PKMYT1: variants seen among roughly 807,000 people sequenced by gnomAD.
The protein encoded by PKMYT1 is membrane-associated tyrosine- and threonine-specific cdc2-inhibitory kinase.
PKMYT1 carries 35 observed loss-of-function variants against 49.7 expected under a neutral mutation model. The ratio of observed to expected loss-of-function variants is 0.70; its 90% CI spans 0.54 to 0.93. The LOEUF is 0.93. PKMYT1 is among the 40% of genes least tolerant of loss of function. The pLI is 0.00. For missense variants in PKMYT1, 677 were observed against 673.1 expected, an observed-to-expected ratio of 1.01 and a Z score of -0.06; for synonymous variants, 331 against 287.6, an observed-to-expected ratio of 1.15 and a Z score of -1.53.
intron 3 of PKMYT1, chr16:2,976,122 T>A: frequency 2.7e-6 from 1 of 377,010 alleles, no homozygotes. Flanking sequence ...CAGGCTGTGG[T>A]GTGAAAAGTG....
Position 2,975,639 on chromosome 16 carries a change from G to T in PKMYT1, c.552C>A (p.Tyr184Ter). The T allele has an allele frequency of 1.2e-6, 2 of 1,611,560 alleles. No individual in the cohort carries two copies. The highest frequency in any genetic ancestry group is 8.5e-7 in the Non-Finnish European group (1 of 1,179,782). ...TGGGCCCGCACAGCTCCGTCTGCAGGTACAGGATGCCGCCCTCCTCCCAGG... is the reference window on the plus strand; with the variant it reads ...TGGGCCCGCACAGCTCCGTCTGCAGTTACAGGATGCCGCCCTCCTCCCAGG... ...EQAWEEGGILYLQTELCGPSL... is the reference protein window; with the variant it reads ...EQAWEEGGIL Residue 184 changes from tyrosine to a stop codon, truncating the protein, a stop_gained, in exon 4 of 9, where the codon TAC (tyrosine) becomes TAA (stop). Coordinates refer to ENST00000262300, the MANE Select transcript of PKMYT1 (RefSeq NM_004203.5). LOFTEE classifies it high-confidence loss of function.
chr16:2,975,928 T>A, intron 3 of PKMYT1, 116 bp from the exon 4 acceptor site: 2 of 1,104,040 alleles, frequency 1.8e-6, no homozygotes, highest in South Asian at 1.5e-5. Flanking sequence ...CACGGTGGTG[T>A]AGCTGGCATC....
chr16:2,977,003 G>A lies in PKMYT1; in HGVS notation c.39C>T (p.Pro13=), dbSNP rs754203712. 1 of 1,578,078 alleles carries A rather than the reference G, an allele frequency of 6.3e-7. No individual in the cohort carries two copies. Among genetic ancestry groups the A allele is most frequent in the South Asian group, 1.1e-5 (1 of 87,274 alleles). Residue 13 remains proline (P), a synonymous_variant, in exon 3 of 9, where the codon CCC becomes CCT. Transcript: ENST00000262300. ...ERPPALAMPM[P]TEGTPPPLSG... is the part of the protein sequence containing the mutation. ...TCAGAGGTGGCGGGGTGCCCTCCGT[G>A]GGCATGGGCATGGCCAGTGCAGGAG...
intron 2 of PKMYT1, chr16:2,979,445 C>G (rs113092347): frequency 5.3e-5 from 31 of 589,532 alleles, no homozygotes; most frequent in African/African-American, 3.7e-4. Flanking sequence ...GCAGGCTGCC[C>G]TCCATCTTGT....
At position 2,974,229 on chromosome 16, in the gene PKMYT1, A is replaced by C; in HGVS notation, c.1152+16T>G. The C allele has an allele frequency of 6.4e-7, 1 of 1,558,000 alleles. No homozygotes were observed. The highest frequency in any genetic ancestry group is 8.7e-7 in the Non-Finnish European group (1 of 1,151,734). On this transcript the variant is annotated intron_variant, in intron 6 of 8. Transcript: ENST00000262300. ...CTGGGGAGCAGGGCAGGCAGCCGCC[A>C]CTGTCGGGAGCTTACCTGCCACAGG...
intron 3 of PKMYT1, among the ~76,000 whole-genome samples, chr16:2,976,415 A>G (rs2072195241): frequency 6.6e-6 from 1 of 152,208 alleles, no homozygotes; most frequent in South Asian, 2.1e-4. Flanking sequence ...GAGATGGCAC[A>G]GGGGCTGCTG....
chr16:2,975,518 G>A lies in PKMYT1; in HGVS notation c.673C>T (p.His225Tyr). 1 of 1,612,578 alleles carries A rather than the reference G, an allele frequency of 6.2e-7. No individual in the cohort carries two copies. ...RDTLLALAHLHSQGLVHLDVK... is the reference protein window; with the variant it reads ...RDTLLALAHLYSQGLVHLDVK... ...TCAAGGTGCACCAGGCCCTGGCTGT[G>A]CAGATGGGCCAGGGCAAGCAGCGTG... The change falls in exon 4 of 9, where the codon CAC (histidine) becomes TAC (tyrosine). Residue 225 changes from histidine to tyrosine, a missense_variant. Physicochemically the swap from His to Tyr is moderately conservative, Grantham distance 83 (BLOSUM62 2). Coordinates refer to ENST00000262300, the MANE Select transcript of PKMYT1 (RefSeq NM_004203.5).
rs2072281971 is a variant in PKMYT1 at position 2,979,330 on chromosome 16, T to A, written c.10+318A>T. Reference sequence around the variant, plus strand: ...ACTGGGCGACAAGAGCAAAACTCCATCTCAAAAAAATATACATAATAGTAA... The same window carrying A: ...ACTGGGCGACAAGAGCAAAACTCCAACTCAAAAAAATATACATAATAGTAA... On this transcript the variant is annotated intron_variant, in intron 2 of 8. Coordinates refer to ENST00000262300, the MANE Select transcript of PKMYT1 (RefSeq NM_004203.5). 3.3e-5 allele frequency: 8 copies of A among 239,514 alleles called. No homozygotes were observed. In the South Asian group the frequency reaches 6.8e-4, roughly 20 times the overall value. 14.8% of individuals were successfully genotyped at this position (239,514 alleles called of 1,614,324 possible).
chr16:2,977,646 CACAA>C, intron 2 of PKMYT1: 3 of 273,406 alleles, frequency 1.1e-5, no homozygotes, highest in Non-Finnish European at 1.1e-5. Flanking sequence ...CAAAGGTTTA[CACAA>C]GAAAACCTGC....
At position 2,975,433 on chromosome 16, in the gene PKMYT1, C is replaced by G. The variant is rs373318831; in HGVS notation, c.758G>C (p.Gly253Ala). Reference protein sequence around the residue: ...PRGRCKLGDFGLLVELGTAGA... With the variant: ...PRGRCKLGDFALLVELGTAGA... ...TGCTGTACCCAGCTCCACCAGCAGT[C>G]CGAAGTCACCCAGCTTGCAGCGGCC... The change falls in exon 4 of 9, where the codon GGA becomes GCA. Residue 253 changes from glycine (G) to alanine (A), a missense_variant. Physicochemically the swap from Gly to Ala is moderately conservative, Grantham distance 60 (BLOSUM62 0). Transcript: ENST00000262300. 33 of 1,613,136 alleles carry G rather than the reference C, an allele frequency of 2.0e-5. No homozygotes were observed. The highest frequency in any genetic ancestry group is 2.6e-5 in the Non-Finnish European group (31 of 1,180,000).
In PKMYT1 at chr16:2,975,338, T is replaced by C; in HGVS notation, c.853A>G (p.Thr285Ala). The C allele has an allele frequency of 6.2e-7, 1 of 1,612,480 alleles. No homozygotes were observed. Among genetic ancestry groups the C allele is most frequent in the Non-Finnish European group, 8.5e-7 (1 of 1,179,700 alleles). The change falls in exon 4 of 9, where the codon ACA becomes GCA. Residue 285 changes from threonine (T) to alanine (A), a missense_variant. By Grantham distance (58) the Thr-to-Ala change is moderately conservative (BLOSUM62 0). Coordinates refer to ENST00000262300, the MANE Select transcript of PKMYT1 (RefSeq NM_004203.5). Reference protein sequence around the residue: ...APELLQGSYGTAADVFSLGLT... With the variant: ...APELLQGSYGAAADVFSLGLT... ...CCCCACCTGAACACATCCGCTGCTGTCCCATAGGAGCCCTGCAGCAGCTCG... is the reference window on the plus strand; with the variant it reads ...CCCCACCTGAACACATCCGCTGCTGCCCCATAGGAGCCCTGCAGCAGCTCG...
intron 5 of PKMYT1, 47 bp from the exon 6 acceptor site, chr16:2,974,464 A>C: frequency 6.4e-7 from 1 of 1,568,152 alleles, no homozygotes. Context: ...CACCGACTGC[A>C]CCCTGAGCCC....
Position 2,974,039 on chromosome 16 carries a change from T to G in PKMYT1, c.1271A>C (p.Asp424Ala). 1 of 1,612,606 alleles carries G rather than the reference T, an allele frequency of 6.2e-7. No individual in the cohort carries two copies. Among genetic ancestry groups the G allele is most frequent in the Non-Finnish European group, 8.5e-7 (1 of 1,179,906 alleles). ...ATCCCAGTTGCTGGAGAGGCTGCTG[T>G]CCAGGAGCAAACTGCAGGGTGGTGA... is the stretch of plus-strand genomic sequence containing the variant. Reference protein sequence around the residue: ...PGSPPCSLLLDSSLSSNWDDD... With the variant: ...PGSPPCSLLLASSLSSNWDDD... The change falls in exon 7 of 9, where the codon GAC becomes GCC. Residue 424 changes from aspartate to alanine, a missense_variant. Physicochemically the swap from Asp to Ala is moderately radical, Grantham distance 126. Transcript: ENST00000262300.
intron 4 of PKMYT1, 94 bp from the exon 5 acceptor site, chr16:2,974,750 G>A: frequency 2.6e-6 from 2 of 776,824 alleles, no homozygotes; most frequent in South Asian, 1.6e-5. Flanking sequence ...GTGGGAGAGG[G>A]CTGCTGTCTT....
chr16:2,979,206 A>G (rs1296282568), intron 2 of PKMYT1, among the ~76,000 whole-genome samples: 1 of 151,988 alleles, frequency 6.6e-6, no homozygotes, highest in Non-Finnish European at 1.5e-5. Flanking sequence ...GTGCTGGTGC[A>G]TGCCTGTAGT....
chr16:2,973,559 C>G, intron 7 of PKMYT1: 1 of 814,036 alleles, frequency 1.2e-6, no homozygotes, highest in Non-Finnish European at 1.8e-6. Context: ...AAGGGGCTAA[C>G]GGCAGAGTCC....
At chr16:2,974,191 C>A (rs779933498) in intron 6 of PKMYT1, 34 bp from the exon 7 acceptor site, 1 of 1,566,422 alleles carries the variant, frequency 6.4e-7, no homozygotes, top group Non-Finnish European at 8.7e-7. Context: ...TGTGGGTGGG[C>A]GGACCCCCGG....
chr16:2,973,885 A>G (rs926994263), intron 7 of PKMYT1, 115 bp downstream of exon 7: 2 of 1,170,218 alleles, frequency 1.7e-6, no homozygotes, highest in Non-Finnish European at 2.4e-6. Flanking sequence ...CTTCCCCAGG[A>G]TGTGATGGGG....
rs1471857331 is a variant in PKMYT1 at position 2,975,576 on chromosome 16, C to T, written c.615G>A (p.Leu205=). ...QQHCEAWGAS[L]PEAQVWGYLR... Reference sequence around the variant, plus strand: ...GGTAGCCCCAGACCTGGGCCTCAGGCAGGCTGGCACCCCAGGCCTCACAGT... The same window carrying T: ...GGTAGCCCCAGACCTGGGCCTCAGGTAGGCTGGCACCCCAGGCCTCACAGT... The change falls in exon 4 of 9, where the codon CTG becomes CTA. Residue 205 remains leucine (L), a synonymous_variant. Coordinates refer to ENST00000262300, the MANE Select transcript of PKMYT1 (RefSeq NM_004203.5). 1.2e-6 allele frequency: 2 copies of T among 1,611,660 alleles called. No individual in the cohort carries two copies. Among genetic ancestry groups the T allele is most frequent in the East Asian group, 4.5e-5 (2 of 44,868 alleles).
Sources: gnomAD v4.1 joint callset for allele counts (sites outside exome capture counted in the v4.1 genomes callset) on GRCh38, gnomAD v4.1.1 for gene constraint, MANE v1.5 for transcripts, NCBI Gene and HGNC (gene_info 2026-07-23, HGNC 2026-07-21) for gene names.